Variants in ANAPC5 observed in about 807,000 individuals in gnomAD.
The protein encoded by ANAPC5 is anaphase-promoting complex subunit 5.
ANAPC5 carries 60 observed loss-of-function variants against 91.3 expected under a neutral mutation model. The observed-to-expected ratio is 0.66, with a 90% CI of 0.53 to 0.81. The LOEUF (loss-of-function observed/expected upper bound fraction) is 0.81, where lower values mean the gene tolerates loss of function less well. ANAPC5 is among the 40% of genes least tolerant of loss of function. The pLI, the probability that ANAPC5 is intolerant of heterozygous loss-of-function variation, is 0.00. For synonymous variants in ANAPC5, 340 were observed against 364.1 expected (o/e 0.93, Z 0.75); for missense variants, 690 against 931.5 (o/e 0.74, Z 3.37).
chr12:121,319,677 G>C lies in ANAPC5; in HGVS notation c.1637+20C>G. 1 of 1,595,604 alleles carries C rather than the reference G, an allele frequency of 6.3e-7. No individual in the cohort carries two copies. Among genetic ancestry groups the C allele is most frequent in the Non-Finnish European group, 8.5e-7 (1 of 1,174,374 alleles). On this transcript the variant is annotated intron_variant, in intron 13 of 16. Transcript: ENST00000261819. ...TAACAATTATTTTATTCTGGGGTTA[G>C]AGTTTTCAAGGTTTCTTACCTATAA...
chr12:121,330,900 A>G, intron 8 of ANAPC5: 1 of 461,344 alleles, frequency 2.2e-6, no homozygotes, highest in Non-Finnish European at 3.9e-6. Flanking sequence ...ACAGCCACTG[A>G]GTGGCAGGTG....
intron 7 of ANAPC5, chr12:121,335,092 A>G (rs1206152530): frequency 6.6e-6 from 1 of 152,620 alleles, no homozygotes; most frequent in African/African-American, 2.4e-5. Context: ...AATGCATCAC[A>G]ATTAACATTT....
At chr12:121,322,746 G>A (rs1902667454) in intron 11 of ANAPC5, among the ~76,000 whole-genome samples, 1 of 152,158 alleles carries the variant, frequency 6.6e-6, no homozygotes, top group Non-Finnish European at 1.5e-5. Flanking sequence ...AAGTAGGCTG[G>A]GTGCGGTAGC....
Position 121,319,352 on chromosome 12 carries a change from C to T in ANAPC5, c.1637+345G>A, listed in dbSNP as rs149180697. On this transcript the variant is annotated intron_variant, in intron 13 of 16. Transcript: ENST00000261819. Reference sequence around the variant, plus strand: ...GGTTCAAGCAATTCTCCTCCCTCAGCCTCCCAAGTAGCTGGGATTACAGGC... The same window carrying T: ...GGTTCAAGCAATTCTCCTCCCTCAGTCTCCCAAGTAGCTGGGATTACAGGC... Among the ~76,000 whole-genome samples the T allele has an allele frequency of 1.3e-3, 195 of 152,022 alleles. 1 individual carries two copies. In the Middle Eastern group the frequency reaches 0.014, roughly 11 times the overall value.
intron 15 of ANAPC5, among the ~76,000 whole-genome samples, chr12:121,316,780 G>C (rs1308148385): frequency 7.5e-6 from 1 of 133,336 alleles, no homozygotes; most frequent in Non-Finnish European, 1.6e-5. Context: ...TCAAACAAAA[G>C]CTGTACAGAA....
chr12:121,331,318 A>G (rs565252311), intron 8 of ANAPC5, 29 bp downstream of exon 8: 2 of 1,565,772 alleles, frequency 1.3e-6, no homozygotes, highest in Non-Finnish European at 1.8e-6. Context: ...CCCGTGAACA[A>G]AACTCCCAAG....
intron 10 of ANAPC5, 108 bp downstream of exon 10, chr12:121,328,205 ACAT>A: frequency 1.0e-6 from 1 of 954,372 alleles, no homozygotes; most frequent in South Asian, 1.6e-5. Flanking sequence ...TGCAGGAACA[ACAT>A]CTATCCAAGG....
At chr12:121,341,094 C>G (rs754547944) in intron 5 of ANAPC5, among the ~76,000 whole-genome samples, 2 of 151,978 alleles carry the variant, frequency 1.3e-5, no homozygotes, top group African/African-American at 4.8e-5. Flanking sequence ...CTTCGGGAGG[C>G]AGAGGTGTCG....
chr12:121,329,989 C>G (rs1250239401), intron 9 of ANAPC5, among the ~76,000 whole-genome samples: 1 of 152,138 alleles, frequency 6.6e-6, no homozygotes, highest in Non-Finnish European at 1.5e-5. Flanking sequence ...TCACTCAAAA[C>G]GAGAAAGGAC....
chr12:121,328,241 C>T (rs1333941119), intron 10 of ANAPC5, 75 bp downstream of exon 10: 8 of 1,376,064 alleles, frequency 5.8e-6, no homozygotes, highest in Non-Finnish European at 7.1e-6. Flanking sequence ...GTATGTATGG[C>T]CTTTCACAGA....
chr12:121,352,372 C>T lies in ANAPC5; in HGVS notation c.-32G>A, dbSNP rs782472022. ...CCGAGACTAAGTCTCGGGCCCGCGGCGCGCTGCCGCCAGTTGTCACCACAA... is the reference window on the plus strand; with the variant it reads ...CCGAGACTAAGTCTCGGGCCCGCGGTGCGCTGCCGCCAGTTGTCACCACAA... On this transcript the variant is annotated 5_prime_UTR_variant, in exon 1 of 17. Transcript: ENST00000261819. 9.5e-5 allele frequency: 148 copies of T among 1,559,172 alleles called. No individual in the cohort carries two copies. Among genetic ancestry groups the T allele is most frequent in the Non-Finnish European group, 1.3e-4 (148 of 1,145,430 alleles).
intron 4 of ANAPC5, among the ~76,000 whole-genome samples, chr12:121,343,622 T>TTTGGGG (rs1903543289): frequency 2.6e-5 from 4 of 152,234 alleles, no homozygotes; most frequent in African/African-American, 9.6e-5. Context: ...CAGTTAATGG[T>TTTGGGG]ACTATTATCC....
intron 15 of ANAPC5, 52 bp from the exon 16 acceptor site, chr12:121,309,915 C>A (rs764695537): frequency 1.3e-6 from 2 of 1,496,294 alleles, no homozygotes; most frequent in Non-Finnish European, 1.8e-6. Flanking sequence ...CTGCCCTTCA[C>A]CAGGAAGCGT....
chr12:121,322,214 A>G (rs1321953887), intron 11 of ANAPC5, among the ~76,000 whole-genome samples: 1 of 150,398 alleles, frequency 6.6e-6, no homozygotes, highest in Admixed American at 6.6e-5. Flanking sequence ...GCTGGAGTGC[A>G]GTGGTGTGGT....
At chr12:121,335,747 A>T (rs1903209283) in intron 6 of ANAPC5, 24 bp from the exon 7 acceptor site, 1 of 1,584,306 alleles carries the variant, frequency 6.3e-7, no homozygotes, top group African/African-American at 1.3e-5. Flanking sequence ...TAATCAATGT[A>T]TTTTAAACGC....
intron 9 of ANAPC5, among the ~76,000 whole-genome samples, chr12:121,329,669 G>A (rs1902959839): frequency 6.7e-6 from 1 of 149,698 alleles, no homozygotes; most frequent in Non-Finnish European, 1.5e-5. Flanking sequence ...AGGCTGGAGT[G>A]CAATGGCACA....
upstream of ANAPC5, among the ~76,000 whole-genome samples, chr12:121,353,150 T>C (rs1555275685): frequency 2.0e-5 from 3 of 152,110 alleles, no homozygotes; most frequent in Admixed American, 1.3e-4. Flanking sequence ...AATAGAACAT[T>C]AGCAACATCA....
At chr12:121,352,715 T>TGGTGG (rs1555275616), upstream of ANAPC5, among the ~76,000 whole-genome samples, 9 of 30,652 alleles carry the variant, frequency 2.9e-4, no homozygotes, top group South Asian at 3.0e-3. Context: ...TTGGTTGTTG[T>TGGTGG]TGTTGGTGGT....
chr12:121,320,581 T>A, intron 11 of ANAPC5, 122 bp from the exon 12 acceptor site: 2 of 684,424 alleles, frequency 2.9e-6, no homozygotes, highest in Non-Finnish European at 4.8e-6. Context: ...TGAGAGATAC[T>A]GGTCAGAGAC....
Sources: allele counts gnomAD v4.1 joint callset (sites outside exome capture counted in the v4.1 genomes callset), GRCh38; gene constraint gnomAD v4.1.1; transcripts MANE v1.5; gene names NCBI Gene and HGNC (gene_info 2026-07-23, HGNC 2026-07-21).